LPIN1: variants seen among roughly 807,000 people sequenced by gnomAD.
The protein encoded by LPIN1 is lipin 1, also known as phosphatidate phosphatase LPIN1.
A neutral mutation model predicts 107.5 loss-of-function variants in LPIN1; 71 were observed. The observed-to-expected ratio is 0.66, with a 90% CI of 0.55 to 0.80. The LOEUF is 0.80. LPIN1 is among the 30% of genes least tolerant of loss of function. LPIN1 has a pLI of 0.00. For synonymous variants in LPIN1, 445 were observed against 452.6 expected (o/e 0.98, Z 0.21); for missense variants, 1,043 against 1,160.6 (o/e 0.90, Z 1.47).
intron 1 of LPIN1, among the ~76,000 whole-genome samples, chr2:11,733,408 A>G (rs1465708742): frequency 6.6e-6 from 1 of 152,138 alleles, no homozygotes; most frequent in Admixed American, 6.5e-5. Flanking sequence ...TAGTTGGCCT[A>G]CACAATCATG....
intron 3 of LPIN1, among the ~76,000 whole-genome samples, chr2:11,768,923 G>A (rs1671405973): frequency 2.0e-5 from 3 of 152,002 alleles, no homozygotes; most frequent in South Asian, 2.1e-4. Flanking sequence ...GTGTCAGAGC[G>A]AGGCTCTGTC....
chr2:11,745,057 CT>C (rs1160700974), upstream of LPIN1: 3 of 152,254 alleles, frequency 2.0e-5, no homozygotes, highest in African/African-American at 7.2e-5. Flanking sequence ...AGCTTGCTGG[CT>C]TATCCAATTC....
chr2:11,737,749 A>C (rs952915946), intron 1 of LPIN1, among the ~76,000 whole-genome samples: 12 of 152,254 alleles, frequency 7.9e-5, no homozygotes, highest in African/African-American at 2.9e-4. Flanking sequence ...GATGCTGGAG[A>C]GGATGTGGAG....
At position 11,771,487 on chromosome 2, in the gene LPIN1, C is replaced by T. The variant is rs757466722; in HGVS notation, c.404C>T (p.Thr135Met). 1.7e-5 allele frequency: 27 copies of T among 1,614,064 alleles called. No homozygotes were observed. In the East Asian group the frequency reaches 2.2e-4, roughly 13 times the overall value. ...VDRMRGLDPS[T>M]PAQVIAPSET... ...AGGATGAGAGGCCTGGACCCCAGCA[C>T]GCCAGCCCAAGTGATCGCTCCCAGC... Residue 135 changes from threonine (T) to methionine (M), a missense_variant, in exon 4 of 21, where the codon ACG (threonine) becomes ATG (methionine). Thr to Met is a moderately conservative substitution (Grantham distance 81). Coordinates refer to ENST00000674199, the MANE Select transcript of LPIN1 (RefSeq NM_001349206.2). The surrounding 1 kb of genome is among the most constrained non-coding windows in gnomAD (Gnocchi z 4.8).
chr2:11,771,494 C>T lies in LPIN1; in HGVS notation c.411C>T (p.Ala137=), dbSNP rs1326264743. The change falls in exon 4 of 21, where the codon GCC becomes GCT. Residue 137 remains alanine, a synonymous_variant. Coordinates refer to ENST00000674199, the MANE Select transcript of LPIN1 (RefSeq NM_001349206.2). This position sits in a 1 kb window ranked among gnomAD's most constrained non-coding sequence, Gnocchi z 4.8. ...RMRGLDPSTP[A]QVIAPSETPS... ...GAGGCCTGGACCCCAGCACGCCAGC[C>T]CAAGTGATCGCTCCCAGCGAGACGC... 4 of 1,614,056 alleles carry T rather than the reference C, an allele frequency of 2.5e-6. No individual in the cohort carries two copies. In the African/African-American group the frequency reaches 5.3e-5, roughly 22 times the overall value.
At chr2:11,739,511 AAG>A (rs1175995838) in intron 1 of LPIN1, among the ~76,000 whole-genome samples, 1 of 152,248 alleles carries the variant, frequency 6.6e-6, no homozygotes, top group Non-Finnish European at 1.5e-5. Flanking sequence ...AGAAAAGTAG[AAG>A]AGAATTGCCT....
chr2:11,802,637 G>A (rs1008668797), intron 14 of LPIN1, among the ~76,000 whole-genome samples: 2 of 152,126 alleles, frequency 1.3e-5, no homozygotes, highest in African/African-American at 2.4e-5. Context: ...GTCATGAGTA[G>A]GAACCTGTTG....
chr2:11,703,288 T>C (rs1662974028), intron 1 of LPIN1, among the ~76,000 whole-genome samples: 2 of 152,096 alleles, frequency 1.3e-5, no homozygotes, highest in Admixed American at 1.3e-4. Context: ...GCTGGGGGGA[T>C]TGGAGTAGGG....
chr2:11,764,287 C>G (rs1389041285), intron 1 of LPIN1: 1 of 151,928 alleles, frequency 6.6e-6, no homozygotes, highest in Non-Finnish European at 1.5e-5. Flanking sequence ...GCTGGGACTA[C>G]AGGTATGTAC....
At position 11,795,385 on chromosome 2, in the gene LPIN1, CTCTT is replaced by C. The variant is rs761812082; in HGVS notation, c.1807-17_1807-14del. 3.1e-6 allele frequency: 5 copies of C among 1,604,306 alleles called. No homozygotes were observed. The highest frequency in any genetic ancestry group is 2.7e-5 in the African/African-American group (2 of 74,858). On this transcript the variant is annotated intron_variant, in intron 13 of 20. Transcript: ENST00000674199. ...CCCCTTCTCTGTGGTACTTCTGTGA[CTCTT>C]TCTTTTCTTCTTTTCTAGGAAAGTA...
chr2:11,699,436 C>T (rs934412895), intron 1 of LPIN1, among the ~76,000 whole-genome samples: 1 of 151,948 alleles, frequency 6.6e-6, no homozygotes, highest in Admixed American at 6.6e-5. Context: ...GTATGGAGTC[C>T]CTGGGGGGGG....
chr2:11,815,262 C>A, intron 18 of LPIN1, 22 bp downstream of exon 18: 1 of 1,613,406 alleles, frequency 6.2e-7, no homozygotes, highest in Non-Finnish European at 8.5e-7. Context: ...GCTCCCTGCA[C>A]CTCCATCTGT....
At position 11,774,432 on chromosome 2, in the gene LPIN1, G is replaced by C. The variant is rs1672339390; in HGVS notation, c.722+687G>C. Reference sequence around the variant, plus strand: ...ATTCTTGGGTGGTGACAAAATCTTAGACGTTATAATGGTTTGTGGTCTCTA... The same window carrying C: ...ATTCTTGGGTGGTGACAAAATCTTACACGTTATAATGGTTTGTGGTCTCTA... On this transcript the variant is annotated intron_variant, in intron 5 of 20. Coordinates refer to ENST00000674199, the MANE Select transcript of LPIN1 (RefSeq NM_001349206.2). The surrounding 1 kb of genome is among the most constrained non-coding windows in gnomAD (Gnocchi z 4.4). 6.6e-6 allele frequency among the ~76,000 whole-genome samples: 1 copy of C among 152,158 alleles called. No homozygotes were observed. Among genetic ancestry groups the C allele is most frequent in the Non-Finnish European group, 1.5e-5 (1 of 68,026 alleles).
At chr2:11,738,323 G>A (rs927967838) in intron 1 of LPIN1, among the ~76,000 whole-genome samples, 1 of 151,070 alleles carries the variant, frequency 6.6e-6, no homozygotes, top group African/African-American at 2.4e-5. Flanking sequence ...ACCATGGCAT[G>A]TGTATACCTA....
intron 1 of LPIN1, among the ~76,000 whole-genome samples, chr2:11,713,460 A>C (rs1000109917): frequency 6.6e-6 from 1 of 151,854 alleles, no homozygotes; most frequent in African/African-American, 2.4e-5. Context: ...TAGTAGAGAC[A>C]GGGTTTTGCC....
rs183501588 is a variant in LPIN1, at chr2:11,803,352, A to T, written c.2013+319A>T. 1.6e-4 allele frequency among the ~76,000 whole-genome samples: 25 copies of T among 152,026 alleles called. No homozygotes were observed. The highest frequency in any genetic ancestry group is 4.2e-4 in the South Asian group (2 of 4,814). On this transcript the variant is annotated intron_variant, in intron 15 of 20. Transcript: ENST00000674199. This position sits in a 1 kb window ranked among gnomAD's most constrained non-coding sequence, Gnocchi z 4.2. ...TCAATCACAGATAGACTTGAAAATCACTCAAGGGTGTTTTTGCTTCAAGAG... is the reference window on the plus strand; with the variant it reads ...TCAATCACAGATAGACTTGAAAATCTCTCAAGGGTGTTTTTGCTTCAAGAG...
chr2:11,724,656 A>C (rs1363074762), intron 1 of LPIN1: 1 of 985,094 alleles, frequency 1.0e-6, no homozygotes, highest in Non-Finnish European at 1.2e-6. Flanking sequence ...AAGGGCAGGC[A>C]GGGAGGGTGG....
chr2:11,758,776 C>G (rs1002282269), intron 1 of LPIN1, among the ~76,000 whole-genome samples: 2 of 152,236 alleles, frequency 1.3e-5, no homozygotes, highest in African/African-American at 4.8e-5. Flanking sequence ...ATACTCCAGA[C>G]CAATCCAGTG....
chr2:11,696,627 TG>T (rs1285024113), intron 1 of LPIN1, among the ~76,000 whole-genome samples: 1 of 152,152 alleles, frequency 6.6e-6, no homozygotes, highest in African/African-American at 2.4e-5. Flanking sequence ...CAGCACAGGA[TG>T]TCTGGTGAGC....
Sources: gnomAD v4.1 joint callset for allele counts (sites outside exome capture counted in the v4.1 genomes callset) on GRCh38, gnomAD v4.1.1 for gene constraint, Gnocchi (gnomAD v3.1) non-coding constraint, MANE v1.5 for transcripts, NCBI Gene and HGNC (gene_info 2026-07-23, HGNC 2026-07-21) for gene names.